The following ZSWIM5 variants were observed in gnomAD, a reference collection of about 807,000 sequenced individuals.
ZSWIM5 encodes zinc finger SWIM-type containing 5.
ZSWIM5 carries 55 observed loss-of-function variants against 119.6 expected under a neutral mutation model. That is an observed-to-expected ratio of 0.46 (90% CI 0.37 to 0.58). The LOEUF is 0.58. ZSWIM5 is among the 20% of genes least tolerant of loss of function. The pLI is 0.00. For synonymous variants in ZSWIM5, 537 were observed against 606.9 expected (o/e 0.88, Z 1.69); for missense variants, 1,193 against 1,512.8 (o/e 0.79, Z 3.51).
intron 1 of ZSWIM5, among the ~76,000 whole-genome samples, chr1:45,142,674 T>C (rs1396483246): frequency 6.6e-6 from 1 of 152,076 alleles, no homozygotes; most frequent in Admixed American, 6.6e-5. Flanking sequence ...CCAAAAACTT[T>C]CTGAAAAATA....
chr1:45,203,775 T>G (rs971001052), intron 1 of ZSWIM5, among the ~76,000 whole-genome samples: 33 of 152,184 alleles, frequency 2.2e-4, no homozygotes, highest in African/African-American at 7.9e-4. Context: ...CAGGCTATCC[T>G]TCTCTCCTAT....
intron 9 of ZSWIM5, 45 bp downstream of exon 9, chr1:45,035,994 G>A (rs1644980701): frequency 2.5e-6 from 4 of 1,596,316 alleles, no homozygotes; most frequent in South Asian, 2.3e-5. Flanking sequence ...GGAGCTCAGG[G>A]TCATGGGCCA....
chr1:45,042,736 G>C (rs949658407), intron 6 of ZSWIM5, among the ~76,000 whole-genome samples: 8 of 152,216 alleles, frequency 5.3e-5, no homozygotes, highest in African/African-American at 1.9e-4. Context: ...CAATGAAACA[G>C]CTCTATCCTG....
At chr1:45,141,218 A>G (rs1266738311) in intron 1 of ZSWIM5, among the ~76,000 whole-genome samples, 1 of 152,224 alleles carries the variant, frequency 6.6e-6, no homozygotes, top group African/African-American at 2.4e-5. Flanking sequence ...CTTTTGGTAG[A>G]GCAGTAGTTC....
Position 45,205,778 on chromosome 1 carries a change from G to T in ZSWIM5, c.573C>A (p.Ser191=), listed in dbSNP as rs1406478928. Residue 191 remains serine (S), a synonymous_variant, in exon 1 of 14, where the codon TCC becomes TCA. Coordinates refer to ENST00000359600, the MANE Select transcript of ZSWIM5 (RefSeq NM_020883.2). ...TACCGACTTGCAGCACGTTCTCCAC[G>T]GAGCCGCTGTCCAGCAGACGGATGC... ...RRGIRLLDSG[S]VENVLQVGFH... is the part of the protein sequence containing the mutation. 2 of 1,567,162 alleles carry T rather than the reference G, an allele frequency of 1.3e-6. No homozygotes were observed. The highest frequency in any genetic ancestry group is 1.7e-5 in the Admixed American group (1 of 57,304).
At chr1:45,091,322 A>G (rs1014690798) in intron 1 of ZSWIM5, among the ~76,000 whole-genome samples, 2 of 152,080 alleles carry the variant, frequency 1.3e-5, no homozygotes, top group Non-Finnish European at 2.9e-5. Context: ...GCTACATTAA[A>G]ATTTCAAACT....
intron 1 of ZSWIM5, among the ~76,000 whole-genome samples, chr1:45,165,468 G>C (rs886171954): frequency 6.6e-6 from 1 of 152,066 alleles, no homozygotes; most frequent in Non-Finnish European, 1.5e-5. Flanking sequence ...ACTAAGGTCA[G>C]AGCAGAACTG....
In ZSWIM5 at chr1:45,121,499, C is replaced by T. The variant is rs76383122; in HGVS notation, c.596-33262G>A. Among the ~76,000 whole-genome samples the T allele has an allele frequency of 5.1e-3, 784 of 152,264 alleles. 5 individuals are homozygous for T. The highest frequency in any genetic ancestry group is 6.3e-3 in the Non-Finnish European group (427 of 68,028). On this transcript the variant is annotated intron_variant, in intron 1 of 13. Coordinates refer to ENST00000359600, the MANE Select transcript of ZSWIM5 (RefSeq NM_020883.2). ...CAACTTCATTATCACTTGGATTTTC[C>T]GCAGGGACTTAGACTTAATGTGTAT... is the stretch of plus-strand genomic sequence containing the variant.
intron 1 of ZSWIM5, among the ~76,000 whole-genome samples, chr1:45,104,575 A>T (rs896073476): frequency 3.9e-5 from 6 of 152,234 alleles, no homozygotes; most frequent in Non-Finnish European, 8.8e-5. Context: ...GATGGTGCCC[A>T]AACACTGGGT....
At chr1:45,198,064 G>T (rs1646136619) in intron 1 of ZSWIM5, among the ~76,000 whole-genome samples, 1 of 152,208 alleles carries the variant, frequency 6.6e-6, no homozygotes, top group Admixed American at 6.5e-5. Context: ...TCTTGTTTGT[G>T]CTCTAATCGA....
intron 1 of ZSWIM5, among the ~76,000 whole-genome samples, chr1:45,186,229 C>T (rs1345517811): frequency 1.5e-5 from 2 of 136,062 alleles, no homozygotes; most frequent in South Asian, 2.4e-4. Context: ...GGAAGGGGAA[C>T]ATCACACTCT....
In ZSWIM5 at chr1:45,016,523, T is replaced by C. The variant is rs948139010; in HGVS notation, c.*1931A>G. 1.3e-5 allele frequency: 2 copies of C among 152,216 alleles called. No homozygotes were observed. The highest frequency in any genetic ancestry group is 2.4e-5 in the African/African-American group (1 of 41,466). The allele number at this position is 152,216 out of a possible 1,614,324, so 9.4% of individuals were successfully genotyped here. A position where few individuals can be genotyped will look rare whatever the true frequency, so the allele number is the denominator to read the frequency against. On this transcript the variant is annotated 3_prime_UTR_variant, in exon 14 of 14. Transcript: ENST00000359600. ...AATGAGAGTGGCTTCTCTCTTTTTT[T>C]TAACCAACCCATTGGGCTGAGACGT...
chr1:45,137,926 C>CTACTGTAAAGAATT (rs1203664931), intron 1 of ZSWIM5, among the ~76,000 whole-genome samples: 4 of 152,050 alleles, frequency 2.6e-5, no homozygotes, highest in Non-Finnish European at 5.9e-5. Context: ...AACAAGGAGG[C>CTACTGTAAAGAATT]CAGTTACATG....
intron 1 of ZSWIM5, among the ~76,000 whole-genome samples, chr1:45,161,727 TTTTACCATGAACTA>T (rs1645864667): frequency 6.6e-6 from 1 of 152,214 alleles, no homozygotes; most frequent in Non-Finnish European, 1.5e-5. Flanking sequence ...TTATATTTCT[TTTTACCATGAACTA>T]GAATTTCATC....
chr1:45,163,872 T>C (rs1173155385), intron 1 of ZSWIM5, among the ~76,000 whole-genome samples: 1 of 152,096 alleles, frequency 6.6e-6, no homozygotes, highest in Non-Finnish European at 1.5e-5. Context: ...ACAGGGAGAA[T>C]GGAACCAAGT....
intron 5 of ZSWIM5, among the ~76,000 whole-genome samples, chr1:45,045,426 C>T (rs778920235): frequency 3.2e-4 from 48 of 152,078 alleles, no homozygotes; most frequent in Non-Finnish European, 5.9e-4. Flanking sequence ...TATGAAAGAA[C>T]TTAACATATT....
At chr1:45,104,337 T>C (rs963134421) in intron 1 of ZSWIM5, among the ~76,000 whole-genome samples, 15 of 152,216 alleles carry the variant, frequency 9.9e-5, no homozygotes, top group Non-Finnish European at 1.5e-4. Context: ...TGGCTCCATA[T>C]ACTATCGATA....
chr1:45,144,851 C>A (rs566618217), intron 1 of ZSWIM5, among the ~76,000 whole-genome samples: 1 of 152,006 alleles, frequency 6.6e-6, no homozygotes, highest in Non-Finnish European at 1.5e-5. Context: ...CTTGCTCTGA[C>A]AAAGACACTA....
chr1:45,087,610 C>T (rs1645338676), intron 2 of ZSWIM5, among the ~76,000 whole-genome samples: 1 of 152,194 alleles, frequency 6.6e-6, no homozygotes, highest in Admixed American at 6.5e-5. Context: ...TCGACAAAGT[C>T]CATAAACTAG....
Sources: gnomAD v4.1 joint callset for allele counts (sites outside exome capture counted in the v4.1 genomes callset) on GRCh38, gnomAD v4.1.1 for gene constraint, MANE v1.5 for transcripts, NCBI Gene and HGNC (gene_info 2026-07-23, HGNC 2026-07-21) for gene names.